Variants in DTL observed in about 807,000 individuals in gnomAD.
DTL encodes denticleless E3 ubiquitin protein ligase adapter.
DTL carries 46 observed loss-of-function variants against 87.0 expected under a neutral mutation model. The ratio of observed to expected loss-of-function variants is 0.53; its 90% CI spans 0.42 to 0.68. DTL has a LOEUF of 0.68. Ranked by LOEUF, DTL falls within the 30% of genes least tolerant of loss-of-function variation. DTL has a pLI of 0.00. For synonymous variants in DTL, 308 were observed against 311.2 expected (o/e 0.99, Z 0.11); for missense variants, 737 against 869.4 (o/e 0.85, Z 1.91).
intron 13 of DTL, among the ~76,000 whole-genome samples, chr1:212,095,888 A>T (rs756801751): frequency 6.6e-6 from 1 of 152,172 alleles, no homozygotes; most frequent in Non-Finnish European, 1.5e-5. Flanking sequence ...CTGGCTTCAT[A>T]GGATGATTTA....
intron 13 of DTL, among the ~76,000 whole-genome samples, chr1:212,098,040 GGA>G (rs1377755002): frequency 6.6e-6 from 1 of 152,182 alleles, no homozygotes; most frequent in Non-Finnish European, 1.5e-5. Flanking sequence ...GGCTGGTACT[GGA>G]GAGTGTCTGC....
chr1:212,065,484 CAG>C (rs1654465328), intron 7 of DTL, among the ~76,000 whole-genome samples: 1 of 152,040 alleles, frequency 6.6e-6, no homozygotes, highest in African/African-American at 2.4e-5. Context: ...CTGTGTGCAT[CAG>C]AGTTGCCTGA....
At chr1:212,047,275 G>A (rs1400403700) in intron 4 of DTL, 22 bp from the exon 5 acceptor site, 4 of 1,614,012 alleles carry the variant, frequency 2.5e-6, no homozygotes, top group Non-Finnish European at 3.4e-6. Context: ...TTATTAAATT[G>A]TGTTTACCTT....
intron 1 of DTL, among the ~76,000 whole-genome samples, chr1:212,036,685 G>A (rs17018378): frequency 0.034 from 5,172 of 152,168 alleles, 302 homozygotes; most frequent in African/African-American, 0.12. Context: ...ATTTTCTTAC[G>A]CTAAAACATT....
chr1:212,089,184 G>GC (rs1655216428), intron 13 of DTL, among the ~76,000 whole-genome samples: 1 of 152,182 alleles, frequency 6.6e-6, no homozygotes, highest in Non-Finnish European at 1.5e-5. Flanking sequence ...CTCAGTCTAT[G>GC]CTACCATGTC....
chr1:212,047,471 A>T, intron 5 of DTL, 54 bp downstream of exon 5: 1 of 1,604,926 alleles, frequency 6.2e-7, no homozygotes, highest in Non-Finnish European at 8.5e-7. Flanking sequence ...CAGTTGGGAG[A>T]TAAGAACCTG....
At chr1:212,059,177 G>C (rs1668263211) in intron 5 of DTL, among the ~76,000 whole-genome samples, 1 of 151,748 alleles carries the variant, frequency 6.6e-6, no homozygotes. Context: ...ATTCTACAAG[G>C]CCAGCATTAT....
At chr1:212,042,861 T>G in intron 1 of DTL, 132 bp from the exon 2 acceptor site, 1 of 828,368 alleles carries the variant, frequency 1.2e-6, no homozygotes, top group East Asian at 3.0e-5. Flanking sequence ...GTGTCTTCCA[T>G]AGATATTAAT....
intron 13 of DTL, among the ~76,000 whole-genome samples, chr1:212,092,823 G>A (rs1025461632): frequency 1.1e-4 from 17 of 152,164 alleles, no homozygotes; most frequent in Non-Finnish European, 7.4e-5. Flanking sequence ...TCTACTTTTA[G>A]TTCTTTACAG....
At chr1:212,047,830 C>G (rs1667851983) in intron 5 of DTL, among the ~76,000 whole-genome samples, 1 of 152,114 alleles carries the variant, frequency 6.6e-6, no homozygotes, top group South Asian at 2.1e-4. Flanking sequence ...GCCGCTGCAC[C>G]CAGCCAGGTG....
intron 11 of DTL, 146 bp downstream of exon 11, chr1:212,072,359 A>C: frequency 1.6e-6 from 1 of 644,302 alleles, no homozygotes. Context: ...TTGGCTCTTA[A>C]TATAGCTGAA....
At chr1:212,095,614 G>A (rs1463621219) in intron 13 of DTL, among the ~76,000 whole-genome samples, 1 of 152,170 alleles carries the variant, frequency 6.6e-6, no homozygotes, top group Non-Finnish European at 1.5e-5. Flanking sequence ...GGGATTACAG[G>A]CATGAGCCAC....
chr1:212,094,493 A>G (rs1187455632), intron 13 of DTL, among the ~76,000 whole-genome samples: 1 of 152,104 alleles, frequency 6.6e-6, no homozygotes, highest in African/African-American at 2.4e-5. Context: ...GTGCTATTTG[A>G]GTGACTATAG....
At chr1:212,081,528 T>A (rs1654990732) in intron 13 of DTL, among the ~76,000 whole-genome samples, 1 of 152,234 alleles carries the variant, frequency 6.6e-6, no homozygotes, top group Non-Finnish European at 1.5e-5. Context: ...TCATTCTTGC[T>A]CCTGTGTTGA....
intron 5 of DTL, among the ~76,000 whole-genome samples, chr1:212,054,245 C>T (rs1668092356): frequency 6.6e-6 from 1 of 152,080 alleles, no homozygotes; most frequent in South Asian, 2.1e-4. Flanking sequence ...CTAGCTGTCT[C>T]CAGGTTTTCC....
intron 5 of DTL, among the ~76,000 whole-genome samples, chr1:212,048,902 T>TTTTGTTTGTTTG (rs142929243): frequency 1.1e-4 from 16 of 150,536 alleles, no homozygotes; most frequent in African/African-American, 3.4e-4. Context: ...TGGACTGGTT[T>TTTTGTTTGTTTG]TTTGTTTGTT....
chr1:212,065,957 G>A (rs1411311155), intron 7 of DTL, among the ~76,000 whole-genome samples: 1 of 152,060 alleles, frequency 6.6e-6, no homozygotes, highest in Non-Finnish European at 1.5e-5. Flanking sequence ...CTCCCAAAGT[G>A]CTGGGATTAC....
At chr1:212,074,235 A>G (rs747471217) in intron 11 of DTL, among the ~76,000 whole-genome samples, 1 of 148,392 alleles carries the variant, frequency 6.7e-6, no homozygotes, top group Non-Finnish European at 1.5e-5. Flanking sequence ...TTTAAATTAT[A>G]TATATACATA....
chr1:212,068,348 T>C, intron 9 of DTL, 21 bp downstream of exon 9: 2 of 1,468,748 alleles, frequency 1.4e-6, no homozygotes, highest in Non-Finnish European at 1.9e-6. Flanking sequence ...AATAGGTCTT[T>C]TGGGGGAGAT....
Sources: allele counts gnomAD v4.1 joint callset (sites outside exome capture counted in the v4.1 genomes callset), GRCh38; gene constraint gnomAD v4.1.1; transcripts MANE v1.5; gene names NCBI Gene and HGNC (gene_info 2026-07-23, HGNC 2026-07-21).